DPP6: variants seen among roughly 807,000 people sequenced by gnomAD.
The protein encoded by DPP6 is A-type potassium channel modulatory protein DPP6.
DPP6 carries 69 observed loss-of-function variants against 122.6 expected under a neutral mutation model. That is an observed-to-expected ratio of 0.56 (90% confidence interval 0.46 to 0.69). DPP6 has a LOEUF of 0.69. Among genes scored for constraint, DPP6 ranks in the 30% least tolerant of loss-of-function variants. The pLI, the probability that DPP6 is intolerant of heterozygous loss-of-function variation, is 0.00. For missense variants in DPP6, 928 were observed against 1,116.9 expected (o/e 0.83, Z 2.41); for synonymous variants, 418 against 433.1 (o/e 0.97, Z 0.43).
At chr7:154,467,685 C>T (rs1363009299) in intron 2 of DPP6, among the ~76,000 whole-genome samples, 2 of 152,140 alleles carry the variant, frequency 1.3e-5, no homozygotes, top group Admixed American at 1.3e-4. Flanking sequence ...GTTTCATACT[C>T]CCTCTCTCCT....
chr7:154,130,075 T>A (rs1345950271), intron 1 of DPP6, among the ~76,000 whole-genome samples: 1 of 147,608 alleles, frequency 6.8e-6, no homozygotes, highest in African/African-American at 2.5e-5. Context: ...GGTGGCAGAG[T>A]AAGACTCTGT....
chr7:154,789,787 G>A (rs750884853), intron 10 of DPP6, among the ~76,000 whole-genome samples: 67 of 152,220 alleles, frequency 4.4e-4, no homozygotes, highest in Non-Finnish European at 6.8e-4. Flanking sequence ...CCAAAGCGTC[G>A]CTGCCTCGCA....
chr7:153,773,330 A>ATTTT, the DPP6 span, among the ~76,000 whole-genome samples: 17 of 139,960 alleles, frequency 1.2e-4, no homozygotes, highest in African/African-American at 2.4e-4. Context: ...ATATATATAT[A>ATTTT]TTTTTTTTTA....
chr7:154,019,323 T>G (rs1563105525), intron 1 of DPP6, among the ~76,000 whole-genome samples: 1 of 152,180 alleles, frequency 6.6e-6, no homozygotes, highest in African/African-American at 2.4e-5. Flanking sequence ...CAAATATTTA[T>G]CTGCCTCTAC....
chr7:154,193,924 G>A (rs559068660), intron 1 of DPP6, among the ~76,000 whole-genome samples: 1 of 152,058 alleles, frequency 6.6e-6, no homozygotes, highest in East Asian at 1.9e-4. Context: ...ACAGAAGCAG[G>A]CCTTTTTGAA....
chr7:154,718,185 C>A (rs1266803127), intron 7 of DPP6, among the ~76,000 whole-genome samples: 1 of 152,096 alleles, frequency 6.6e-6, no homozygotes, highest in Non-Finnish European at 1.5e-5. Context: ...CAGATATTTC[C>A]TCCCATTCTG....
At chr7:154,737,122 CA>C (rs1454322677) in intron 8 of DPP6, among the ~76,000 whole-genome samples, 3 of 152,212 alleles carry the variant, frequency 2.0e-5, no homozygotes, top group Non-Finnish European at 2.9e-5. Flanking sequence ...TCATAGTTCA[CA>C]TACTGAATGA....
At chr7:153,956,370 G>A (rs1197846702) in intron 1 of DPP6, among the ~76,000 whole-genome samples, 2 of 152,150 alleles carry the variant, frequency 1.3e-5, no homozygotes, top group Non-Finnish European at 2.9e-5. Flanking sequence ...AGAATTGGCA[G>A]TGTTTGCTCC....
At chr7:154,889,649 G>A (rs767948785) in intron 25 of DPP6, 119 bp downstream of exon 25, 131 of 1,480,182 alleles carry the variant, frequency 8.9e-5, no homozygotes, top group Middle Eastern at 7.0e-4. Context: ...TGTGGTGGTC[G>A]GTGATGAGCA....
At chr7:154,737,303 C>T (rs139953765) in intron 8 of DPP6, among the ~76,000 whole-genome samples, 1 of 152,264 alleles carries the variant, frequency 6.6e-6, no homozygotes, top group East Asian at 1.9e-4. Context: ...CAATCAGATA[C>T]CAGAGTCTGA....
At chr7:154,462,682 G>C (rs1821396067) in intron 2 of DPP6, among the ~76,000 whole-genome samples, 1 of 151,366 alleles carries the variant, frequency 6.6e-6, no homozygotes, top group Admixed American at 6.6e-5. Flanking sequence ...TAAGTTTTAG[G>C]GTACATGTGC....
At chr7:154,385,652 G>A (rs1018950829) in intron 1 of DPP6, among the ~76,000 whole-genome samples, 2 of 152,298 alleles carry the variant, frequency 1.3e-5, no homozygotes, top group Non-Finnish European at 1.5e-5. Context: ...GACACTTCCA[G>A]CAATGTACCT....
At chr7:154,497,688 G>GAA (rs1824871962) in intron 3 of DPP6, among the ~76,000 whole-genome samples, 1 of 151,894 alleles carries the variant, frequency 6.6e-6, no homozygotes, top group Non-Finnish European at 1.5e-5. Context: ...ATTCACAATA[G>GAA]TATCAAATAA....
chr7:154,241,729 G>A lies in DPP6; in HGVS notation c.243+188666G>A, dbSNP rs1801631064. Among the ~76,000 whole-genome samples the A allele has an allele frequency of 6.6e-6, 1 of 152,112 alleles. No individual in the cohort carries two copies. Among genetic ancestry groups the A allele is most frequent in the African/African-American group, 2.4e-5 (1 of 41,414 alleles). On this transcript the variant is annotated intron_variant, in intron 1 of 25. Coordinates refer to ENST00000377770, the MANE Select transcript of DPP6 (RefSeq NM_130797.4). This position sits in a 1 kb window ranked among gnomAD's most constrained non-coding sequence, Gnocchi z 9.0. ...TTGAAATTTCCCGAAGCTAACACGT[G>A]TCTAACCTGTTTCCCATATTATGTT... is the stretch of plus-strand genomic sequence containing the variant.
intron 2 of DPP6, among the ~76,000 whole-genome samples, chr7:154,458,792 G>C (rs1821025587): frequency 6.6e-6 from 1 of 152,184 alleles, no homozygotes; most frequent in South Asian, 2.1e-4. Context: ...CCATGAACTG[G>C]ACAACAACTG....
intron 1 of DPP6, among the ~76,000 whole-genome samples, chr7:154,074,375 T>G (rs1028600209): frequency 6.6e-6 from 1 of 152,004 alleles, no homozygotes; most frequent in African/African-American, 2.4e-5. Flanking sequence ...AAGACAATCA[T>G]GAAGAGGAAC....
chr7:154,863,660 C>T lies in DPP6; in HGVS notation c.1715-4335C>T, dbSNP rs1803608885. 6.6e-6 allele frequency among the ~76,000 whole-genome samples: 1 copy of T among 151,960 alleles called. No individual in the cohort carries two copies. The highest frequency in any genetic ancestry group is 1.5e-5 in the Non-Finnish European group (1 of 68,012). On this transcript the variant is annotated intron_variant, in intron 17 of 25. Coordinates refer to ENST00000377770, the MANE Select transcript of DPP6 (RefSeq NM_130797.4). This position sits in a 1 kb window ranked among gnomAD's most constrained non-coding sequence, Gnocchi z 4.1. ...TGAGACCCTACCTCTGCAAAAATTA[C>T]AAAATTTAGCCGGGCATGGTGGTGT...
chr7:153,947,337 G>T (rs1457320445), intron 1 of DPP6, among the ~76,000 whole-genome samples: 1 of 152,096 alleles, frequency 6.6e-6, no homozygotes, highest in Non-Finnish European at 1.5e-5. Context: ...TCATTCCAGG[G>T]CTGCGAGGGA....
chr7:154,787,726 A>G (rs1288752823), intron 10 of DPP6, among the ~76,000 whole-genome samples: 1 of 152,254 alleles, frequency 6.6e-6, no homozygotes, highest in Non-Finnish European at 1.5e-5. Context: ...AAAATGTACA[A>G]ATGAATAAGG....
Sources: allele counts gnomAD v4.1 joint callset (sites outside exome capture counted in the v4.1 genomes callset), GRCh38; gene constraint gnomAD v4.1.1; non-coding constraint Gnocchi (gnomAD v3.1); transcripts MANE v1.5; gene names NCBI Gene and HGNC (gene_info 2026-07-23, HGNC 2026-07-21).